The following UBASH3B variants were observed in gnomAD, a reference collection of about 807,000 sequenced individuals.
The protein encoded by UBASH3B is ubiquitin associated and SH3 domain containing B.
UBASH3B carries 37 observed loss-of-function variants against 83.4 expected under a neutral mutation model. That is an observed-to-expected ratio of 0.44 (90% CI 0.34 to 0.58). The LOEUF (loss-of-function observed/expected upper bound fraction) is 0.58. Ranked by LOEUF, UBASH3B falls within the 20% of genes least tolerant of loss-of-function variation. UBASH3B has a pLI of 0.01. For missense variants in UBASH3B, 657 were observed against 827.2 expected (o/e 0.79, Z 2.52); for synonymous variants, 304 against 318.3 (o/e 0.96, Z 0.48).
chr11:122,809,143 C>T (rs1265747428), intron 13 of UBASH3B, among the ~76,000 whole-genome samples: 1 of 151,938 alleles, frequency 6.6e-6, no homozygotes, highest in African/African-American at 2.4e-5. Flanking sequence ...GGCGTAATCT[C>T]GGTTCACTTT....
intron 1 of UBASH3B, among the ~76,000 whole-genome samples, chr11:122,735,723 G>C (rs1253101199): frequency 6.6e-6 from 1 of 152,166 alleles, no homozygotes; most frequent in East Asian, 1.9e-4. Flanking sequence ...TTGTCGAAGT[G>C]GGGAAGCCGA....
At chr11:122,781,400 C>T (rs999155744) in intron 4 of UBASH3B, among the ~76,000 whole-genome samples, 1 of 152,204 alleles carries the variant, frequency 6.6e-6, no homozygotes, top group Non-Finnish European at 1.5e-5. Context: ...AATGTCAAAG[C>T]CGCAAAACCC....
intron 1 of UBASH3B, among the ~76,000 whole-genome samples, chr11:122,725,704 A>AT (rs1214099531): frequency 6.6e-6 from 1 of 151,808 alleles, no homozygotes; most frequent in Non-Finnish European, 1.5e-5. Flanking sequence ...TTTTATTTTT[A>AT]TTTTTTTGAG....
chr11:122,670,923 C>T lies in UBASH3B; in HGVS notation c.161+14713C>T, dbSNP rs145299396. 3.5e-3 allele frequency among the ~76,000 whole-genome samples: 531 copies of T among 151,984 alleles called. 3 individuals carry two copies. Among genetic ancestry groups the T allele is most frequent in the Middle Eastern group, 0.027 (8 of 294 alleles). On this transcript the variant is annotated intron_variant, in intron 1 of 13. Transcript: ENST00000284273. ...GATTACAGACGTGCTCCACCACGCC[C>T]GGCTAATTTTTGTATTTTTAGTAGA...
intron 1 of UBASH3B, among the ~76,000 whole-genome samples, chr11:122,763,335 A>G (rs1434983005): frequency 6.6e-6 from 1 of 152,168 alleles, no homozygotes; most frequent in Non-Finnish European, 1.5e-5. Context: ...AAGGCCTCCT[A>G]TATGGGCTGC....
In UBASH3B at chr11:122,808,073, A is replaced by G; in HGVS notation, c.1709A>G (p.Asn570Ser). The change falls in exon 13 of 14, where the codon AAC (asparagine) becomes AGC (serine). Residue 570 changes from asparagine (N) to serine (S), a missense_variant. Coordinates refer to ENST00000284273, the MANE Select transcript of UBASH3B (RefSeq NM_032873.5). ...IISECKSKGN[N>S]ILIVAHASSL... ...CCTTGCCATTTTCCCCCAGGAAATA[A>G]CATCCTGATTGTGGCCCACGCATCT... The G allele has an allele frequency of 6.2e-7, 1 of 1,614,018 alleles. No homozygotes were observed. The highest frequency in any genetic ancestry group is 1.1e-5 in the South Asian group (1 of 91,080).
At chr11:122,670,741 C>G (rs1276781980) in intron 1 of UBASH3B, among the ~76,000 whole-genome samples, 3 of 151,988 alleles carry the variant, frequency 2.0e-5, no homozygotes, top group South Asian at 2.1e-4. Flanking sequence ...CTAGATGGAG[C>G]CTAGGGAATA....
chr11:122,732,440 G>A (rs945943976), intron 1 of UBASH3B, among the ~76,000 whole-genome samples: 1 of 152,162 alleles, frequency 6.6e-6, no homozygotes, highest in Non-Finnish European at 1.5e-5. Context: ...TTAGACATTG[G>A]TGTATGTGGG....
chr11:122,664,383 G>A (rs1056819051), intron 1 of UBASH3B, among the ~76,000 whole-genome samples: 5 of 152,120 alleles, frequency 3.3e-5, no homozygotes, highest in Non-Finnish European at 5.9e-5. Flanking sequence ...TCTCTGCAGG[G>A]TGACAGACTC....
intron 1 of UBASH3B, among the ~76,000 whole-genome samples, chr11:122,671,899 T>A (rs1863598149): frequency 6.6e-6 from 1 of 152,162 alleles, no homozygotes; most frequent in Admixed American, 6.5e-5. Flanking sequence ...ATGTGAAGTT[T>A]TTTTTGGTTT....
intron 1 of UBASH3B, among the ~76,000 whole-genome samples, chr11:122,725,821 G>A (rs1860729724): frequency 6.6e-6 from 1 of 152,028 alleles, no homozygotes; most frequent in African/African-American, 2.4e-5. Context: ...AGCCTCCTGA[G>A]TAGCAGGGAT....
At chr11:122,730,180 G>A (rs991994673) in intron 1 of UBASH3B, among the ~76,000 whole-genome samples, 2 of 152,050 alleles carry the variant, frequency 1.3e-5, no homozygotes, top group African/African-American at 4.8e-5. Flanking sequence ...CAGCTACCTG[G>A]GAGGCTGAGG....
intron 1 of UBASH3B, among the ~76,000 whole-genome samples, chr11:122,721,358 T>C (rs1302304381): frequency 6.7e-6 from 1 of 150,184 alleles, no homozygotes; most frequent in East Asian, 2.0e-4. Context: ...AGTAAGCAAA[T>C]CTTCCACAGC....
chr11:122,671,833 C>T (rs550199749), intron 1 of UBASH3B, among the ~76,000 whole-genome samples: 3 of 152,288 alleles, frequency 2.0e-5, no homozygotes, highest in Admixed American at 1.3e-4. Flanking sequence ...AGTAAACAGA[C>T]GGTTGCTGTT....
intron 1 of UBASH3B, among the ~76,000 whole-genome samples, chr11:122,656,810 G>A (rs1863370939): frequency 6.6e-6 from 1 of 152,250 alleles, no homozygotes; most frequent in Non-Finnish European, 1.5e-5. Flanking sequence ...AAGGAGAAGC[G>A]ATCCCTCCAG....
chr11:122,690,202 A>ATCCAAT (rs1225010315), intron 1 of UBASH3B, among the ~76,000 whole-genome samples: 93 of 40,618 alleles, frequency 2.3e-3, no homozygotes, highest in African/African-American at 6.7e-3. Flanking sequence ...ATATATATAT[A>ATCCAAT]TATATATCCA....
chr11:122,723,800 A>G (rs1191821677), intron 1 of UBASH3B, among the ~76,000 whole-genome samples: 1 of 152,190 alleles, frequency 6.6e-6, no homozygotes, highest in Non-Finnish European at 1.5e-5. Flanking sequence ...AACCTCAAAA[A>G]TCTCAAGTTT....
rs1716428157 is a variant in UBASH3B at position 122,812,469 on chromosome 11, G to T, written c.*2583G>T. ...CTAATATATATAACCTGAAGTTGCAGCTGGTTCTTTTTGATCTGAAGCTGA... is the reference window on the plus strand; with the variant it reads ...CTAATATATATAACCTGAAGTTGCATCTGGTTCTTTTTGATCTGAAGCTGA... On this transcript the variant is annotated 3_prime_UTR_variant, in exon 14 of 14. Coordinates refer to ENST00000284273, the MANE Select transcript of UBASH3B (RefSeq NM_032873.5). 1 of 152,188 alleles carries T rather than the reference G, an allele frequency of 6.6e-6. No individual in the cohort carries two copies. The highest frequency in any genetic ancestry group is 2.4e-5 in the African/African-American group (1 of 41,444). The allele number at this position is 152,188 out of a possible 1,614,324, so 9.4% of individuals were successfully genotyped here.
Position 122,796,040 on chromosome 11 carries a change from C to T in UBASH3B, c.1114-116C>T, listed in dbSNP as rs1861149555. The T allele has an allele frequency of 2.9e-6, 4 of 1,390,064 alleles. No individual in the cohort carries two copies. The South Asian group carries it at 3.9e-5, about 13-fold the overall frequency. The allele number at this position is 1,390,064 out of a possible 1,614,324, so 86.1% of individuals were successfully genotyped here. ...TGTAGGACGAGTCTTACTGTCCTCA[C>T]CAAGTCATACCTTGGCAGAACTTTG... On this transcript the variant is annotated intron_variant, in intron 7 of 13. Coordinates refer to ENST00000284273, the MANE Select transcript of UBASH3B (RefSeq NM_032873.5).
Sources: allele counts gnomAD v4.1 joint callset (sites outside exome capture counted in the v4.1 genomes callset), GRCh38; gene constraint gnomAD v4.1.1; transcripts MANE v1.5; gene names NCBI Gene and HGNC (gene_info 2026-07-23, HGNC 2026-07-21).